TMEM163: variants seen among roughly 807,000 people sequenced by gnomAD.
The protein encoded by TMEM163 is transmembrane protein 163.
Under a neutral mutation model 29.3 loss-of-function variants are expected in TMEM163, and 17 were observed. The observed-to-expected ratio is 0.58, with a 90% CI of 0.40 to 0.87. The LOEUF (loss-of-function observed/expected upper bound fraction) is 0.87, where lower values mean the gene tolerates loss of function less well. TMEM163 is among the 40% of genes least tolerant of loss of function. The pLI is 0.00. For missense variants in TMEM163, 303 were observed against 381.5 expected, an observed-to-expected ratio of 0.79 and a Z score of 1.71; for synonymous variants, 157 against 160.6, an observed-to-expected ratio of 0.98 and a Z score of 0.17.
intron 2 of TMEM163, among the ~76,000 whole-genome samples, chr2:134,617,482 A>C (rs1306697609): frequency 6.6e-6 from 1 of 152,030 alleles, no homozygotes; most frequent in Non-Finnish European, 1.5e-5. Flanking sequence ...GGCACCTGTA[A>C]TCCCAGCTAC....
At chr2:134,594,559 C>T (rs991717215) in intron 2 of TMEM163, among the ~76,000 whole-genome samples, 1 of 152,066 alleles carries the variant, frequency 6.6e-6, no homozygotes, top group Non-Finnish European at 1.5e-5. Context: ...AAAACAAAGA[C>T]ATATGTGGCA....
chr2:134,557,199 G>A (rs189865728), intron 2 of TMEM163, among the ~76,000 whole-genome samples: 15 of 152,282 alleles, frequency 9.9e-5, no homozygotes, highest in East Asian at 9.6e-4. Flanking sequence ...GAGATAATTC[G>A]GGCAAGACAC....
intron 2 of TMEM163, among the ~76,000 whole-genome samples, chr2:134,674,506 C>T (rs1365909640): frequency 9.4e-5 from 3 of 31,936 alleles, no homozygotes; most frequent in African/African-American, 4.4e-4. Context: ...CGCGCGCGCG[C>T]GCGCTACCAT....
intron 2 of TMEM163, among the ~76,000 whole-genome samples, chr2:134,639,229 G>T (rs780248219): frequency 1.3e-5 from 2 of 152,224 alleles, no homozygotes; most frequent in Non-Finnish European, 2.9e-5. Context: ...AATCAGAGTG[G>T]ATTTTTCACA....
chr2:134,574,483 C>G (rs781782292), intron 2 of TMEM163, among the ~76,000 whole-genome samples: 17 of 152,056 alleles, frequency 1.1e-4, no homozygotes, highest in Non-Finnish European at 2.5e-4. Context: ...TCGCTTGAGC[C>G]CAGGAGGTGC....
At chr2:134,490,877 A>C (rs1001965943) in intron 5 of TMEM163, among the ~76,000 whole-genome samples, 1 of 152,238 alleles carries the variant, frequency 6.6e-6, no homozygotes, top group African/African-American at 2.4e-5. Flanking sequence ...AAATAAAAAA[A>C]GCATTCAGTA....
chr2:134,685,206 C>T (rs1272137261), intron 2 of TMEM163, among the ~76,000 whole-genome samples: 3 of 152,230 alleles, frequency 2.0e-5, no homozygotes, highest in African/African-American at 7.2e-5. Flanking sequence ...CCACTCATTG[C>T]ATCTTAAAGA....
rs189073853 is a variant in TMEM163, at chr2:134,669,026, C to T, written c.322+44174G>A. On this transcript the variant is annotated intron_variant, in intron 2 of 7. Coordinates refer to ENST00000281924, the MANE Select transcript of TMEM163 (RefSeq NM_030923.5). ...GAGTGACTCAAACAAGAAGCCAGGG[C>T]GCCCCGTGGCCACATCCTCACTGCA... Among the ~76,000 whole-genome samples, 641 of 152,218 alleles carry T rather than the reference C, an allele frequency of 4.2e-3. 9 individuals carry two copies. Among genetic ancestry groups the T allele is most frequent in the African/African-American group, 0.014 (596 of 41,528 alleles).
At chr2:134,674,194 A>G (rs1684054704) in intron 2 of TMEM163, among the ~76,000 whole-genome samples, 1 of 152,172 alleles carries the variant, frequency 6.6e-6, no homozygotes, top group African/African-American at 2.4e-5. Context: ...CATAAATCAC[A>G]TCATACTATA....
In TMEM163 at chr2:134,538,655, C is replaced by T. The variant is rs142929233; in HGVS notation, c.458+11915G>A. On this transcript the variant is annotated intron_variant, in intron 4 of 7. Coordinates refer to ENST00000281924, the MANE Select transcript of TMEM163 (RefSeq NM_030923.5). ...AAATGGAGTACTGCCACACCACACG[C>T]CACAGTGAGGGTGAAGCTGACGACA... Among the ~76,000 whole-genome samples the T allele has an allele frequency of 4.4e-3, 666 of 152,234 alleles. 7 individuals are homozygous for T. The highest frequency in any genetic ancestry group is 0.016 in the African/African-American group (645 of 41,534).
intron 2 of TMEM163, among the ~76,000 whole-genome samples, chr2:134,686,465 C>T (rs533796052): frequency 3.9e-5 from 6 of 152,202 alleles, no homozygotes; most frequent in African/African-American, 1.2e-4. Flanking sequence ...ACAGCTGACT[C>T]GTGAGTTGTG....
chr2:134,663,027 T>G (rs1683790285), intron 2 of TMEM163, among the ~76,000 whole-genome samples: 1 of 151,870 alleles, frequency 6.6e-6, no homozygotes, highest in Non-Finnish European at 1.5e-5. Flanking sequence ...GGCGTGGGAG[T>G]CTTGAGTTGG....
At chr2:134,718,572 G>A (rs1262455670) in intron 1 of TMEM163, among the ~76,000 whole-genome samples, 162 bp downstream of exon 1, 1 of 152,126 alleles carries the variant, frequency 6.6e-6, no homozygotes, top group Non-Finnish European at 1.5e-5. Context: ...CAGAAGGTGG[G>A]GCTGCCGCTC....
intron 2 of TMEM163, among the ~76,000 whole-genome samples, chr2:134,581,635 G>A (rs556677928): frequency 4.1e-5 from 3 of 73,190 alleles, no homozygotes; most frequent in African/African-American, 4.4e-5. Context: ...TTATGGGGGC[G>A]GGGGGGAGAT....
At chr2:134,699,176 G>A (rs1684642384) in intron 2 of TMEM163, among the ~76,000 whole-genome samples, 1 of 152,102 alleles carries the variant, frequency 6.6e-6, no homozygotes, top group Non-Finnish European at 1.5e-5. Context: ...TTATTTTCTA[G>A]TACAAAAAAT....
At position 134,632,652 on chromosome 2, in the gene TMEM163, G is replaced by T. The variant is rs79942313; in HGVS notation, c.322+80548C>A. Among the ~76,000 whole-genome samples the T allele has an allele frequency of 6.2e-4, 94 of 152,214 alleles. No individual in the cohort carries two copies. In the East Asian group the frequency reaches 0.016, roughly 27 times the overall value. On this transcript the variant is annotated intron_variant, in intron 2 of 7. Coordinates refer to ENST00000281924, the MANE Select transcript of TMEM163 (RefSeq NM_030923.5). Reference sequence around the variant, plus strand: ...CCTCAAAGGGTGGAAGGAGAGGGGCGCTGCCTTCAATCTCTTTTATAAGGG... The same window carrying T: ...CCTCAAAGGGTGGAAGGAGAGGGGCTCTGCCTTCAATCTCTTTTATAAGGG...
chr2:134,469,327 G>C (rs757773042), intron 5 of TMEM163: 1 of 152,190 alleles, frequency 6.6e-6, no homozygotes, highest in Non-Finnish European at 1.5e-5. Flanking sequence ...GAGCGAAAAA[G>C]TAGAAGCACT....
At chr2:134,566,430 G>C (rs1159547553) in intron 2 of TMEM163, among the ~76,000 whole-genome samples, 1 of 152,144 alleles carries the variant, frequency 6.6e-6, no homozygotes, top group Non-Finnish European at 1.5e-5. Context: ...AGGTGTGGTA[G>C]CACGTGCCTA....
intron 6 of TMEM163, among the ~76,000 whole-genome samples, chr2:134,461,470 C>A (rs1325992027): frequency 6.6e-5 from 10 of 152,150 alleles, no homozygotes; most frequent in Admixed American, 6.5e-4. Flanking sequence ...CAGAGCGCTC[C>A]CCCAGTGCTC....
Sources: allele counts gnomAD v4.1 joint callset (sites outside exome capture counted in the v4.1 genomes callset), GRCh38; gene constraint gnomAD v4.1.1; transcripts MANE v1.5; gene names NCBI Gene and HGNC (gene_info 2026-07-23, HGNC 2026-07-21).